Variants in ATP9B observed in about 807,000 individuals in gnomAD.
ATP9B encodes probable phospholipid-transporting ATPase IIB.
In ATP9B, 110 loss-of-function variants were observed where a neutral mutation model predicts 146.1. That is an observed-to-expected ratio of 0.75 (90% confidence interval 0.65 to 0.88). The LOEUF is 0.88. Ranked by LOEUF, ATP9B falls within the 40% of genes least tolerant of loss-of-function variation. The probability of loss-of-function intolerance (pLI) is 0.00; values close to 1 mark genes in which losing one functional copy is unlikely to be tolerated. For missense variants in ATP9B, 1,499 were observed against 1,496.4 expected (o/e 1.00, Z -0.03); for synonymous variants, 604 against 569.7 (o/e 1.06, Z -0.86).
chr18:79,155,954 G>A (rs369666815), intron 7 of ATP9B, among the ~76,000 whole-genome samples: 1 of 151,540 alleles, frequency 6.6e-6, no homozygotes, highest in African/African-American at 2.4e-5. Flanking sequence ...AGTAGAGACG[G>A]GGTTTCACCA....
At chr18:79,122,244 G>T (rs1422212671) in intron 4 of ATP9B, among the ~76,000 whole-genome samples, 1 of 152,084 alleles carries the variant, frequency 6.6e-6, no homozygotes, top group Non-Finnish European at 1.5e-5. Context: ...TCTTATCTCA[G>T]TGAGTCACAA....
chr18:79,270,845 G>A (rs2096246813), intron 12 of ATP9B, among the ~76,000 whole-genome samples: 1 of 152,138 alleles, frequency 6.6e-6, no homozygotes, highest in Admixed American at 6.5e-5. Flanking sequence ...TCAGGCACAG[G>A]CCCCTCTGTG....
chr18:79,215,382 A>C (rs1302248516), intron 11 of ATP9B, among the ~76,000 whole-genome samples: 1 of 152,164 alleles, frequency 6.6e-6, no homozygotes, highest in African/African-American at 2.4e-5. Flanking sequence ...TCCAGTGTGC[A>C]TCTCCTGTAC....
intron 8 of ATP9B, among the ~76,000 whole-genome samples, chr18:79,184,266 T>TG (rs1041529710): frequency 2.6e-5 from 4 of 152,344 alleles, no homozygotes; most frequent in African/African-American, 9.6e-5. Flanking sequence ...TTCCAGCTGA[T>TG]GCACAAAGAC....
chr18:79,352,221 G>A (rs58780276), intron 25 of ATP9B, among the ~76,000 whole-genome samples: 5,271 of 152,264 alleles, frequency 0.035, 309 homozygotes, highest in African/African-American at 0.12. Flanking sequence ...ACCCTTGCTA[G>A]TGACTCAGAT....
At chr18:79,071,884 G>T (rs1233358188) in intron 1 of ATP9B, among the ~76,000 whole-genome samples, 4 of 79,870 alleles carry the variant, frequency 5.0e-5, no homozygotes, top group Non-Finnish European at 9.5e-5. Context: ...TTCATGTTTG[G>T]TTTTGTTTTT....
intron 5 of ATP9B, among the ~76,000 whole-genome samples, chr18:79,136,066 G>A (rs2094443716): frequency 6.6e-6 from 1 of 152,000 alleles, no homozygotes; most frequent in Non-Finnish European, 1.5e-5. Flanking sequence ...CATTTTCAGA[G>A]CTGTTTTTGT....
At chr18:79,376,040 C>T (rs777035698) in intron 29 of ATP9B, 198 of 985,090 alleles carry the variant, frequency 2.0e-4, no homozygotes, top group Admixed American at 2.5e-4. Flanking sequence ...GGGTGACAGG[C>T]GAGAACATTC....
chr18:79,319,637 A>G (rs1009910160), intron 15 of ATP9B, among the ~76,000 whole-genome samples: 2 of 152,294 alleles, frequency 1.3e-5, no homozygotes, highest in South Asian at 4.2e-4. Context: ...TGTCTCTCCC[A>G]CGTTGATAGC....
chr18:79,356,644 A>G (rs1265781126), intron 25 of ATP9B, among the ~76,000 whole-genome samples: 1 of 152,268 alleles, frequency 6.6e-6, no homozygotes, highest in Non-Finnish European at 1.5e-5. Context: ...AACCTGCTGT[A>G]CAGTTCCATT....
intron 19 of ATP9B, 21 bp downstream of exon 19, chr18:79,337,470 CT>C: frequency 3.8e-6 from 6 of 1,596,282 alleles, no homozygotes; most frequent in Non-Finnish European, 5.1e-6. Flanking sequence ...CTCACCTCTG[CT>C]GGCGCGCGCT....
intron 9 of ATP9B, among the ~76,000 whole-genome samples, chr18:79,200,727 G>GTTGGGGTCAGAGCAGAGGTGGAGGTGGGA: frequency 5.9e-4 from 27 of 45,546 alleles, no homozygotes; most frequent in Non-Finnish European, 1.2e-3. Context: ...TGGAGGTGGG[G>GTTGGGGTCAGAGCAGAGGTGGAGGTGGGA]ACTGTCGGGG....
rs753635074 is a variant in ATP9B, at chr18:79,307,147, C to A, written c.1686C>A (p.Ala562=). ...HNVTPVYESR[A]GVTEETEFAE... ...TGACCCCCGTGTATGAGTCTCGGGC[C>A]GGCGTTACTGAGGAGACTGAGTTCG... The change falls in exon 15 of 30, where the codon GCC becomes GCA. Residue 562 remains alanine (A), a synonymous_variant. Coordinates refer to ENST00000426216, the MANE Select transcript of ATP9B (RefSeq NM_198531.5). The A allele has an allele frequency of 3.2e-5, 52 of 1,614,046 alleles. No individual in the cohort carries two copies. The highest frequency in any genetic ancestry group is 4.2e-5 in the Non-Finnish European group (50 of 1,180,040).
chr18:79,151,929 T>G (rs1327511772), intron 6 of ATP9B, among the ~76,000 whole-genome samples: 1 of 152,162 alleles, frequency 6.6e-6, no homozygotes, highest in Non-Finnish European at 1.5e-5. Context: ...AATCTGTCCA[T>G]CTGACAGAGG....
chr18:79,332,241 A>G (rs1600103470), intron 17 of ATP9B, among the ~76,000 whole-genome samples: 1 of 152,132 alleles, frequency 6.6e-6, no homozygotes, highest in African/African-American at 2.4e-5. Context: ...CCTCCTGGCT[A>G]ACACGGTGAA....
intron 27 of ATP9B, 133 bp downstream of exon 27, chr18:79,373,015 T>C: frequency 1.7e-6 from 1 of 604,944 alleles, no homozygotes; most frequent in Non-Finnish European, 2.9e-6. Flanking sequence ...CTCCCTTCTG[T>C]TTATCTTGTA....
intron 11 of ATP9B, among the ~76,000 whole-genome samples, chr18:79,234,574 TTGCTTGCTGTGGGTG>T (rs1264505211): frequency 9.6e-5 from 14 of 145,964 alleles, no homozygotes; most frequent in African/African-American, 2.5e-4. Context: ...TGCTGTGGGC[TTGCTTGCTGTGGGTG>T]TGCTTGCTGT....
intron 13 of ATP9B, among the ~76,000 whole-genome samples, chr18:79,288,499 T>C (rs2096467207): frequency 6.6e-6 from 1 of 152,138 alleles, no homozygotes. Context: ...ATTTTGAGCC[T>C]ATGTCTGTCT....
Position 79,374,106 on chromosome 18 carries a change from G to A in ATP9B, c.3274+5G>A, listed in dbSNP as rs775045961. ...CTTTTCTCAATGAATATTTTGGTAA[G>A]TTGCCTTGGAATTGTTTTTTGAATC... is the stretch of plus-strand genomic sequence containing the variant. On this transcript the variant is annotated splice_donor_5th_base_variant and intron_variant, in intron 28 of 29. Coordinates refer to ENST00000426216, the MANE Select transcript of ATP9B (RefSeq NM_198531.5). The A allele has an allele frequency of 1.2e-6, 2 of 1,613,698 alleles. No individual in the cohort carries two copies. Among genetic ancestry groups the A allele is most frequent in the African/African-American group, 2.7e-5 (2 of 74,916 alleles).
Sources: allele counts gnomAD v4.1 joint callset (sites outside exome capture counted in the v4.1 genomes callset), GRCh38; gene constraint gnomAD v4.1.1; transcripts MANE v1.5; gene names NCBI Gene and HGNC (gene_info 2026-07-23, HGNC 2026-07-21).